PDE4D: variants seen among roughly 807,000 people sequenced by gnomAD.
PDE4D encodes 3',5'-cyclic-AMP phosphodiesterase 4D.
A neutral mutation model predicts 87.4 loss-of-function variants in PDE4D; 24 were observed. The observed-to-expected ratio is 0.27, with a 90% CI of 0.20 to 0.39. The LOEUF (loss-of-function observed/expected upper bound fraction) is 0.39. Ranked by LOEUF, PDE4D falls within the 10% of genes least tolerant of loss-of-function variation. The pLI is 1.00. For missense variants in PDE4D, 714 were observed against 1,041.0 expected (o/e 0.69, Z 4.32); for synonymous variants, 384 against 383.2 (o/e 1.00, Z -0.02).
intron 2 of PDE4D, among the ~76,000 whole-genome samples, chr5:60,179,863 A>G (rs1562189649): frequency 6.6e-6 from 1 of 152,322 alleles, no homozygotes; most frequent in East Asian, 1.9e-4. Context: ...TCTAGAGCAA[A>G]TACTACTGAT....
chr5:59,088,200 T>C (rs1266114631), intron 5 of PDE4D, among the ~76,000 whole-genome samples: 1 of 152,204 alleles, frequency 6.6e-6, no homozygotes, highest in Non-Finnish European at 1.5e-5. Flanking sequence ...CAAAAATTCA[T>C]AAAACATCAT....
chr5:60,028,442 A>G (rs1416476686), intron 2 of PDE4D, among the ~76,000 whole-genome samples: 2 of 152,064 alleles, frequency 1.3e-5, no homozygotes, highest in Non-Finnish European at 2.9e-5. Flanking sequence ...GTCTGCCCTC[A>G]TTGTTTGCCT....
intron 5 of PDE4D, among the ~76,000 whole-genome samples, chr5:59,065,224 C>T (rs767282332): frequency 2.6e-5 from 4 of 151,568 alleles, no homozygotes; most frequent in Non-Finnish European, 2.9e-5. Context: ...GTGGAATAAA[C>T]CAGACACAGA....
intron 3 of PDE4D, among the ~76,000 whole-genome samples, chr5:59,939,234 T>C (rs1310744338): frequency 7.2e-5 from 11 of 152,212 alleles, no homozygotes; most frequent in Non-Finnish European, 1.5e-5. Flanking sequence ...TATGTGTGTG[T>C]GTAGTAAGGA....
chr5:59,786,702 C>T (rs1765214222), intron 1 of PDE4D, among the ~76,000 whole-genome samples: 1 of 152,178 alleles, frequency 6.6e-6, no homozygotes. Flanking sequence ...TCATGACTGG[C>T]CTGTTAACGG....
intron 5 of PDE4D, among the ~76,000 whole-genome samples, chr5:59,121,143 G>A (rs1485512748): frequency 6.6e-6 from 1 of 152,144 alleles, no homozygotes; most frequent in East Asian, 1.9e-4. Flanking sequence ...TCTAGGCAAA[G>A]ATTTTATGGC....
intron 1 of PDE4D, among the ~76,000 whole-genome samples, chr5:59,410,314 C>T (rs143105062): frequency 0.012 from 1,780 of 152,196 alleles, 25 homozygotes; most frequent in African/African-American, 0.041. Flanking sequence ...TGCAGTGGCA[C>T]GATCTCATCA....
intron 2 of PDE4D, among the ~76,000 whole-genome samples, chr5:59,994,985 G>A (rs141073546): frequency 2.0e-4 from 31 of 152,216 alleles, no homozygotes; most frequent in African/African-American, 7.2e-4. Flanking sequence ...CAGTTCATTT[G>A]AGGAAAAATA....
intron 2 of PDE4D, among the ~76,000 whole-genome samples, chr5:60,005,361 C>T (rs1000897123): frequency 5.3e-5 from 8 of 151,990 alleles, no homozygotes; most frequent in Admixed American, 2.6e-4. Context: ...AAGACAAATA[C>T]ATTATGGGGA....
intron 5 of PDE4D, among the ~76,000 whole-genome samples, chr5:59,159,582 C>T (rs1207029028): frequency 6.6e-6 from 1 of 152,126 alleles, no homozygotes; most frequent in Non-Finnish European, 1.5e-5. Flanking sequence ...TGACGACTTA[C>T]TTATCCAGAT....
rs191465605 is a variant in PDE4D, at chr5:59,995,531, G to T, written c.43-6814C>A. ...GACGGAGTTTCATCATGTTGGCCAG[G>T]CTGGTCTCAAACTCTTGACCTCAGG... On this transcript the variant is annotated intron_variant, in intron 2 of 16. Transcript: ENST00000502484. 3.0e-4 allele frequency among the ~76,000 whole-genome samples: 46 copies of T among 152,006 alleles called. 1 individual carries two copies. Among genetic ancestry groups the T allele is most frequent in the Admixed American group, 2.6e-3 (39 of 15,266 alleles).
chr5:59,701,757 ATCT>A (rs1752605047), intron 1 of PDE4D, among the ~76,000 whole-genome samples: 1 of 152,200 alleles, frequency 6.6e-6, no homozygotes, highest in Non-Finnish European at 1.5e-5. Flanking sequence ...GTTGATGTGA[ATCT>A]TCTTCACAAC....
chr5:59,660,009 G>T (rs1165613115), intron 1 of PDE4D, among the ~76,000 whole-genome samples: 1 of 151,980 alleles, frequency 6.6e-6, no homozygotes, highest in Admixed American at 6.6e-5. Flanking sequence ...ACATGGCGAG[G>T]CCCCATCTCT....
chr5:59,687,047 A>C (rs1749990211), intron 1 of PDE4D, among the ~76,000 whole-genome samples: 2 of 152,306 alleles, frequency 1.3e-5, no homozygotes, highest in Non-Finnish European at 2.9e-5. Context: ...AGAGAAATAG[A>C]AACATGAGAC....
intron 6 of PDE4D, among the ~76,000 whole-genome samples, chr5:59,003,728 G>C (rs1487570680): frequency 6.6e-6 from 1 of 152,096 alleles, no homozygotes; most frequent in Non-Finnish European, 1.5e-5. Flanking sequence ...ATCATGGAAA[G>C]CCCCTCTGAT....
chr5:59,149,439 C>T (rs1284732675), intron 5 of PDE4D, among the ~76,000 whole-genome samples: 1 of 152,104 alleles, frequency 6.6e-6, no homozygotes, highest in East Asian at 1.9e-4. Flanking sequence ...ACTCCCAAAC[C>T]GCAGAGAAGC....
intron 3 of PDE4D, among the ~76,000 whole-genome samples, chr5:59,923,713 A>G (rs1754943801): frequency 6.6e-6 from 1 of 152,234 alleles, no homozygotes; most frequent in African/African-American, 2.4e-5. Context: ...AACTTAGATC[A>G]CAATATCCAA....
At chr5:60,360,537 G>A (rs761076908) in intron 1 of PDE4D, among the ~76,000 whole-genome samples, 27 of 152,204 alleles carry the variant, frequency 1.8e-4, no homozygotes, top group Non-Finnish European at 2.9e-4. Context: ...AAGGGAAAAC[G>A]TGGGGAACTG....
chr5:59,014,678 C>T (rs527935741), intron 6 of PDE4D, among the ~76,000 whole-genome samples: 1 of 152,178 alleles, frequency 6.6e-6, no homozygotes, highest in Admixed American at 6.5e-5. Flanking sequence ...GAATCAATAT[C>T]ATGAAAATGG....
Sources: allele counts gnomAD v4.1 joint callset (sites outside exome capture counted in the v4.1 genomes callset), GRCh38; gene constraint gnomAD v4.1.1; transcripts MANE v1.5; gene names NCBI Gene and HGNC (gene_info 2026-07-23, HGNC 2026-07-21).